The following ADPRM variants were observed in gnomAD, a reference collection of about 807,000 sequenced individuals.
ADPRM encodes the protein manganese-dependent ADP-ribose/CDP-alcohol diphosphatase.
A neutral mutation model predicts 27.2 loss-of-function variants in ADPRM; 17 were observed. That is an observed-to-expected ratio of 0.63 (90% CI 0.43 to 0.94). ADPRM has a LOEUF of 0.94. Among genes scored for constraint, ADPRM ranks in the 40% least tolerant of loss-of-function variants. ADPRM has a pLI of 0.00. For synonymous variants in ADPRM, 135 were observed against 145.3 expected (o/e 0.93, Z 0.51); for missense variants, 337 against 412.8 (o/e 0.82, Z 1.59).
At chr17:10,703,300 C>G (rs1006859223) in intron 1 of ADPRM, among the ~76,000 whole-genome samples, 1 of 152,064 alleles carries the variant, frequency 6.6e-6, no homozygotes, top group Non-Finnish European at 1.5e-5. Context: ...TTTATACACC[C>G]TCATACATAC....
intron 3 of ADPRM, among the ~76,000 whole-genome samples, chr17:10,709,293 G>A (rs448732): frequency 0.5 from 75,709 of 151,962 alleles, 19,651 homozygotes; most frequent in African/African-American, 0.65. Flanking sequence ...TGAGTGGGCA[G>A]TTTGGACATT....
chr17:10,701,005 A>T (rs1485071387), intron 1 of ADPRM, among the ~76,000 whole-genome samples: 1 of 152,132 alleles, frequency 6.6e-6, no homozygotes, highest in East Asian at 1.9e-4. Flanking sequence ...TGGTTTAGAG[A>T]TTTACAGAGT....
chr17:10,701,935 C>T (rs540118726), intron 1 of ADPRM, among the ~76,000 whole-genome samples: 3 of 152,126 alleles, frequency 2.0e-5, no homozygotes, highest in African/African-American at 7.2e-5. Context: ...TCCCTGACCA[C>T]CTGGTTCTTT....
At chr17:10,699,243 T>C (rs1401077987) in intron 1 of ADPRM, 1 of 152,146 alleles carries the variant, frequency 6.6e-6, no homozygotes, top group African/African-American at 2.4e-5. Flanking sequence ...CCTTCCAGTC[T>C]GGGCAACAAA....
Position 10,705,036 on chromosome 17 carries a change from T to A in ADPRM, c.110T>A (p.Phe37Tyr). The A allele has an allele frequency of 6.2e-7, 1 of 1,614,162 alleles. No individual in the cohort carries two copies. Among genetic ancestry groups the A allele is most frequent in the Non-Finnish European group, 8.5e-7 (1 of 1,180,030 alleles). ...QFADLEDGFN[F>Y]QGTRRRYYRH... is the part of the protein sequence containing the mutation. The stretch of plus-strand genomic sequence containing the variant: ...GCAGACTTAGAAGATGGCTTTAATT[T>A]CCAAGGAACCAGGCGGCGATACTAC... Residue 37 changes from phenylalanine to tyrosine, a missense_variant, in exon 2 of 4, where the codon TTC (phenylalanine) becomes TAC (tyrosine). Coordinates refer to ENST00000379774, the MANE Select transcript of ADPRM (RefSeq NM_020233.5). The surrounding 1 kb of genome is among the most constrained non-coding windows in gnomAD (Gnocchi z 5.4).
chr17:10,701,955 C>T (rs1014148187), intron 1 of ADPRM, among the ~76,000 whole-genome samples: 1 of 152,094 alleles, frequency 6.6e-6, no homozygotes, highest in East Asian at 1.9e-4. Flanking sequence ...TTTGCACTGC[C>T]GTACTCACTT....
intron 1 of ADPRM, among the ~76,000 whole-genome samples, chr17:10,699,527 T>C (rs1355515910): frequency 2.1e-5 from 3 of 145,062 alleles, no homozygotes; most frequent in Non-Finnish European, 4.6e-5. Flanking sequence ...TCTTTTTTTT[T>C]TTTTTTTTTT....
chr17:10,699,514 C>CT (rs2074761521), intron 1 of ADPRM, among the ~76,000 whole-genome samples: 1 of 137,422 alleles, frequency 7.3e-6, no homozygotes, highest in Non-Finnish European at 1.6e-5. Flanking sequence ...TTTTTCTTTT[C>CT]TTTCTTTTTT....
intron 1 of ADPRM, chr17:10,698,396 T>A (rs1250345393): frequency 6.6e-6 from 1 of 152,216 alleles, no homozygotes; most frequent in Non-Finnish European, 1.5e-5. Context: ...CTTCATTTCA[T>A]CTGCCTTTAT....
chr17:10,700,934 T>C (rs1438621133), intron 1 of ADPRM, among the ~76,000 whole-genome samples: 1 of 152,232 alleles, frequency 6.6e-6, no homozygotes, highest in Non-Finnish European at 1.5e-5. Flanking sequence ...TGAGGCTCAT[T>C]AGACAGATTT....
Position 10,710,892 on chromosome 17 carries a change from A to G in ADPRM, c.777A>G (p.Arg259=). 6.2e-7 allele frequency: 1 copy of G among 1,614,162 alleles called. No homozygotes were observed. Among genetic ancestry groups the G allele is most frequent in the Non-Finnish European group, 8.5e-7 (1 of 1,180,022 alleles). Residue 259 remains arginine (R), a synonymous_variant, in exon 4 of 4, where the codon AGA becomes AGG. Coordinates refer to ENST00000379774, the MANE Select transcript of ADPRM (RefSeq NM_020233.5). ...SDNVCLAWNY[R]DALAVIWSHE... is the part of the protein sequence containing the mutation. ...ATGTGTGCCTGGCCTGGAACTACAG[A>G]GATGCCCTGGCAGTCATTTGGTCTC...
intron 1 of ADPRM, chr17:10,699,386 CTT>C (rs1254620146): frequency 1.3e-5 from 2 of 152,152 alleles, no homozygotes; most frequent in African/African-American, 4.8e-5. Flanking sequence ...ACCCATGAAA[CTT>C]TAGTGCCAGA....
At chr17:10,698,872 A>C (rs781203297) in intron 1 of ADPRM, 40 of 151,864 alleles carry the variant, frequency 2.6e-4, no homozygotes, top group Non-Finnish European at 4.3e-4. Flanking sequence ...CCCAGGGATA[A>C]TTTTTTCTTG....
rs1408091328 is a variant in ADPRM, at chr17:10,697,636, C to T, written c.-49C>T. 1 of 1,198,564 alleles carries T rather than the reference C, an allele frequency of 8.3e-7. No homozygotes were observed. Among genetic ancestry groups the T allele is most frequent in the Non-Finnish European group, 1.2e-6 (1 of 830,844 alleles). 74.2% of individuals were successfully genotyped at this position (1,198,564 alleles called of 1,614,324 possible). A position where few individuals can be genotyped will look rare whatever the true frequency, so the allele number is the denominator to read the frequency against. On this transcript the variant is annotated 5_prime_UTR_variant, in exon 1 of 4. Transcript: ENST00000379774. ...GTGGCGCTGTTACATAGCCCGTAGT[C>T]AGAGGCCTTTCAGCCCAGGGGCCGG...
rs1207435339 is a variant in ADPRM, at chr17:10,708,245, A to G, written c.718+1691A>G. 2.6e-5 allele frequency among the ~76,000 whole-genome samples: 4 copies of G among 151,948 alleles called. No homozygotes were observed. The South Asian group carries it at 8.3e-4, about 32-fold the overall frequency. ...GGAGTTCGAGACCAGCCTAGCCAAC[A>G]TGGTGAAACCCCGTCTCTACTAAAA... On this transcript the variant is annotated intron_variant, in intron 3 of 3. Coordinates refer to ENST00000379774, the MANE Select transcript of ADPRM (RefSeq NM_020233.5).
chr17:10,707,689 C>T (rs148112099), intron 3 of ADPRM, among the ~76,000 whole-genome samples: 138 of 152,302 alleles, frequency 9.1e-4, no homozygotes, highest in African/African-American at 3.2e-3. Context: ...TGCCCAGATG[C>T]AGCAAAACTG....
chr17:10,705,509 G>A lies in ADPRM; in HGVS notation c.583G>A (p.Glu195Lys), dbSNP rs1188999751. 3 of 1,613,218 alleles carry A rather than the reference G, an allele frequency of 1.9e-6. No homozygotes were observed. Among genetic ancestry groups the A allele is most frequent in the Non-Finnish European group, 2.5e-6 (3 of 1,179,758 alleles). Residue 195 changes from glutamate (E) to lysine (K), a missense_variant, in exon 2 of 4, where the codon GAA becomes AAA. Transcript: ENST00000379774. This position sits in a 1 kb window ranked among gnomAD's most constrained non-coding sequence, Gnocchi z 5.4. Reference sequence around the variant, plus strand: ...ATTGAGGGAGCACAATCCAAATACGGAACTGAATAGTCCTCAAGGTGAATT... The same window carrying A: ...ATTGAGGGAGCACAATCCAAATACGAAACTGAATAGTCCTCAAGGTGAATT... ...KILREHNPNT[E>K]LNSPQGLSEP...
intron 1 of ADPRM, among the ~76,000 whole-genome samples, chr17:10,700,212 T>C (rs902443873): frequency 2.0e-5 from 3 of 152,212 alleles, no homozygotes; most frequent in Non-Finnish European, 2.9e-5. Context: ...CCTTTGACAA[T>C]AGAGTGAAGA....
At chr17:10,706,198 AGTT>A (rs756503426) in intron 2 of ADPRM, among the ~76,000 whole-genome samples, 6 of 152,282 alleles carry the variant, frequency 3.9e-5, no homozygotes, top group Non-Finnish European at 5.9e-5. Flanking sequence ...GGACTTAAGA[AGTT>A]TGCATTTTTA....
Sources: allele counts gnomAD v4.1 joint callset (sites outside exome capture counted in the v4.1 genomes callset), GRCh38; gene constraint gnomAD v4.1.1; non-coding constraint Gnocchi (gnomAD v3.1); transcripts MANE v1.5; gene names NCBI Gene and HGNC (gene_info 2026-07-23, HGNC 2026-07-21).